FBXO22: variants seen among roughly 807,000 people sequenced by gnomAD.
The protein encoded by FBXO22 is F-box only protein 22.
A neutral mutation model predicts 37.2 loss-of-function variants in FBXO22; 13 were observed. That is an observed-to-expected ratio of 0.35 (90% CI 0.23 to 0.56). The LOEUF is 0.56. FBXO22 is among the 20% of genes least tolerant of loss of function. FBXO22 has a pLI of 0.87. For missense variants in FBXO22, 446 were observed against 509.9 expected (o/e 0.87, Z 1.21); for synonymous variants, 189 against 189.1 (o/e 1.00, Z 0.00).
intron 2 of FBXO22, among the ~76,000 whole-genome samples, chr15:75,912,885 T>G (rs1335779873): frequency 6.6e-6 from 1 of 152,238 alleles, no homozygotes; most frequent in Admixed American, 6.5e-5. Context: ...CTTTCCTGCT[T>G]TCTCCTGTGT....
intron 6 of FBXO22, among the ~76,000 whole-genome samples, chr15:75,932,308 T>C (rs1341550381): frequency 1.3e-5 from 2 of 152,236 alleles, no homozygotes; most frequent in South Asian, 2.1e-4. Context: ...ATGTAAACAA[T>C]AGCAGAAGGC....
chr15:75,910,116 C>A (rs932192838), intron 2 of FBXO22, among the ~76,000 whole-genome samples: 1 of 152,222 alleles, frequency 6.6e-6, no homozygotes, highest in Non-Finnish European at 1.5e-5. Flanking sequence ...TCTATGGCTG[C>A]ATAGTGTTCC....
At chr15:75,906,300 C>T (rs1459986643) in intron 2 of FBXO22, among the ~76,000 whole-genome samples, 1 of 152,096 alleles carries the variant, frequency 6.6e-6, no homozygotes, top group African/African-American at 2.4e-5. Context: ...GGTCTAGACT[C>T]TCTAAGTGTA....
chr15:75,904,361 C>A, intron 1 of FBXO22, 130 bp from the exon 2 acceptor site: 1 of 1,381,148 alleles, frequency 7.2e-7, no homozygotes, highest in Non-Finnish European at 1.0e-6. Flanking sequence ...TGACTGACAC[C>A]TACCTACCCC....
At chr15:75,908,002 T>C (rs1899966695) in intron 2 of FBXO22, among the ~76,000 whole-genome samples, 1 of 152,154 alleles carries the variant, frequency 6.6e-6, no homozygotes, top group African/African-American at 2.4e-5. Flanking sequence ...TTGCCATTTG[T>C]AACTTCTTTG....
rs1236431715 is a variant in FBXO22, at chr15:75,937,612, T to G, written c.*4510T>G. ...GCAACCAAAAGAATGCCCAATCATC[T>G]GCAGAATGGTAGGAAAATATTGTGA... On this transcript the variant is annotated 3_prime_UTR_variant, in exon 7 of 7. Transcript: ENST00000308275. 2 of 151,260 alleles carry G rather than the reference T, an allele frequency of 1.3e-5. No individual in the cohort carries two copies. The highest frequency in any genetic ancestry group is 4.8e-5 in the African/African-American group (2 of 41,282). The allele number at this position is 151,260 out of a possible 1,614,324, so 9.4% of individuals were successfully genotyped here.
rs1406308452 is a variant in FBXO22, at chr15:75,941,361, CAG to C, written c.*8260_*8261del. On this transcript the variant is annotated 3_prime_UTR_variant, in exon 7 of 7. Transcript: ENST00000308275. Reference sequence around the variant, plus strand: ...AGTGGTATGCAGCTGCTGTAGAAAACAGTATGGTGATTTTCCAATTAAATATA... The same window carrying C: ...AGTGGTATGCAGCTGCTGTAGAAAACTATGGTGATTTTCCAATTAAATATA... The C allele has an allele frequency of 3.9e-5, 6 of 152,092 alleles. No homozygotes were observed. Among genetic ancestry groups the C allele is most frequent in the African/African-American group, 1.4e-4 (6 of 41,408 alleles). 9.4% of individuals were successfully genotyped at this position (152,092 alleles called of 1,614,324 possible).
chr15:75,906,870 A>G (rs1262974998), intron 2 of FBXO22, among the ~76,000 whole-genome samples: 1 of 152,232 alleles, frequency 6.6e-6, no homozygotes. Context: ...CCTAATGTTA[A>G]TCTAATAAAT....
At chr15:75,907,504 A>G (rs1326037860) in intron 2 of FBXO22, among the ~76,000 whole-genome samples, 2 of 152,158 alleles carry the variant, frequency 1.3e-5, no homozygotes, top group East Asian at 3.8e-4. Context: ...ACTCTATCCA[A>G]ATCATACGTG....
intron 5 of FBXO22, among the ~76,000 whole-genome samples, chr15:75,920,815 CCT>C (rs1413588422): frequency 6.6e-6 from 1 of 151,898 alleles, no homozygotes; most frequent in Non-Finnish European, 1.5e-5. Context: ...AGAGTGAGAC[CCT>C]GTCTCAAAAA....
At position 75,935,286 on chromosome 15, in the gene FBXO22, A is replaced by ACAAT. The variant is rs1352469125; in HGVS notation, c.*2187_*2190dup. ...AAAACAAACTAAATTCCTAGAGATG[A>ACAAT]CAATCATTGTAGTCCTCTGTGAAAC... is the stretch of plus-strand genomic sequence containing the variant. On this transcript the variant is annotated 3_prime_UTR_variant, in exon 7 of 7. Transcript: ENST00000308275. The ACAAT allele has an allele frequency of 2.0e-5, 3 of 152,198 alleles. No individual in the cohort carries two copies. The highest frequency in any genetic ancestry group is 7.2e-5 in the African/African-American group (3 of 41,436). The allele number at this position is 152,198 out of a possible 1,614,324, so 9.4% of individuals were successfully genotyped here.
intron 5 of FBXO22, among the ~76,000 whole-genome samples, chr15:75,919,355 A>G (rs1900269360): frequency 6.6e-6 from 1 of 152,212 alleles, no homozygotes; most frequent in Admixed American, 6.5e-5. Flanking sequence ...GATAATGCAT[A>G]TGTGAATTAG....
chr15:75,924,643 A>G (rs1263821124), intron 5 of FBXO22, among the ~76,000 whole-genome samples: 1 of 152,056 alleles, frequency 6.6e-6, no homozygotes, highest in East Asian at 1.9e-4. Context: ...CCTTCATGTA[A>G]TCCAGGGAAG....
At position 75,939,533 on chromosome 15, in the gene FBXO22, G is replaced by A. The variant is rs1365010646; in HGVS notation, c.*6431G>A. Reference sequence around the variant, plus strand: ...CTTCTAACTTTTCCCAAAAATTGAAGAGGAAGGACGCTGCCTAATTCATTC... The same window carrying A: ...CTTCTAACTTTTCCCAAAAATTGAAAAGGAAGGACGCTGCCTAATTCATTC... On this transcript the variant is annotated 3_prime_UTR_variant, in exon 7 of 7. Transcript: ENST00000308275. 1 of 152,142 alleles carries A rather than the reference G, an allele frequency of 6.6e-6. No individual in the cohort carries two copies. The highest frequency in any genetic ancestry group is 2.4e-5 in the African/African-American group (1 of 41,446). The allele number at this position is 152,142 out of a possible 1,614,324, so 9.4% of individuals were successfully genotyped here.
intron 5 of FBXO22, among the ~76,000 whole-genome samples, chr15:75,918,392 A>G (rs1412824600): frequency 6.6e-6 from 1 of 152,152 alleles, no homozygotes; most frequent in Non-Finnish European, 1.5e-5. Context: ...ATTAGCAGCA[A>G]AGACTCAGCC....
rs1402778521 is a variant in FBXO22, at chr15:75,939,608, TA to T, written c.*6507del. On this transcript the variant is annotated 3_prime_UTR_variant, in exon 7 of 7. Coordinates refer to ENST00000308275, the MANE Select transcript of FBXO22 (RefSeq NM_147188.3). ...CTACAAGAAAAGATTACAGACCAGT[TA>T]TTCCTTATGATCGCTGATTCAACAA... The T allele has an allele frequency of 3.3e-5, 5 of 152,198 alleles. No individual in the cohort carries two copies. The highest frequency in any genetic ancestry group is 1.2e-4 in the African/African-American group (5 of 41,462). 9.4% of individuals were successfully genotyped at this position (152,198 alleles called of 1,614,324 possible).
intron 2 of FBXO22, among the ~76,000 whole-genome samples, chr15:75,908,136 T>C (rs1899969324): frequency 6.6e-6 from 1 of 152,186 alleles, no homozygotes; most frequent in Admixed American, 6.5e-5. Flanking sequence ...TTTCAGTGGA[T>C]GCCTCATAAA....
intron 1 of FBXO22, 142 bp downstream of exon 1, chr15:75,904,245 C>T (rs946922465): frequency 4.0e-6 from 5 of 1,248,510 alleles, no homozygotes; most frequent in Admixed American, 2.9e-5. Context: ...TGACCCCCTA[C>T]CCGCGAGGTA....
chr15:75,925,357 T>C (rs1457795480), intron 5 of FBXO22, among the ~76,000 whole-genome samples: 1 of 152,222 alleles, frequency 6.6e-6, no homozygotes, highest in South Asian at 2.1e-4. Context: ...GTGAGATTGG[T>C]GATCTGGTGA....
Sources: gnomAD v4.1 joint callset for allele counts (sites outside exome capture counted in the v4.1 genomes callset) on GRCh38, gnomAD v4.1.1 for gene constraint, MANE v1.5 for transcripts, NCBI Gene and HGNC (gene_info 2026-07-23, HGNC 2026-07-21) for gene names.